FBXW8: variants seen among roughly 807,000 people sequenced by gnomAD.
The protein encoded by FBXW8 is F-box and WD repeat domain containing 8.
FBXW8 carries 57 observed loss-of-function variants against 65.3 expected under a neutral mutation model. The observed-to-expected ratio is 0.87, with a 90% CI of 0.71 to 1.09. FBXW8 has a LOEUF of 1.09. Ranked by LOEUF, FBXW8 falls within the 50% of genes least tolerant of loss-of-function variation. The probability of loss-of-function intolerance (pLI) is 0.00; values close to 1 mark genes in which losing one functional copy is unlikely to be tolerated. For missense variants in FBXW8, 777 were observed against 814.8 expected (o/e 0.95, Z 0.57); for synonymous variants, 308 against 330.2 (o/e 0.93, Z 0.73).
At chr12:116,922,560 A>C (rs1224251035) in intron 1 of FBXW8, among the ~76,000 whole-genome samples, 1 of 152,240 alleles carries the variant, frequency 6.6e-6, no homozygotes, top group Non-Finnish European at 1.5e-5. Flanking sequence ...TTTGGCTCTT[A>C]GTAATTATCT....
At chr12:117,021,595 C>G (rs1954099859) in intron 8 of FBXW8, among the ~76,000 whole-genome samples, 1 of 152,110 alleles carries the variant, frequency 6.6e-6, no homozygotes, top group Non-Finnish European at 1.5e-5. Flanking sequence ...AGTATTTTGC[C>G]TCTAACTGCT....
At chr12:116,955,036 T>G (rs1483485781) in intron 4 of FBXW8, among the ~76,000 whole-genome samples, 49 of 129,584 alleles carry the variant, frequency 3.8e-4, no homozygotes, top group Middle Eastern at 3.8e-3. Flanking sequence ...CCTCTTGAAA[T>G]GGGGGGGGGG....
intron 5 of FBXW8, among the ~76,000 whole-genome samples, chr12:116,968,319 TTACAAG>T (rs1430584348): frequency 3.3e-5 from 5 of 152,350 alleles, no homozygotes; most frequent in African/African-American, 1.2e-4. Flanking sequence ...TATTTTAGTA[TTACAAG>T]TACAAGAAAA....
intron 4 of FBXW8, among the ~76,000 whole-genome samples, chr12:116,952,869 C>A (rs1883378133): frequency 6.6e-6 from 1 of 152,144 alleles, no homozygotes; most frequent in Admixed American, 6.5e-5. Context: ...TCCCGAGTAG[C>A]TGGGACTACG....
intron 5 of FBXW8, chr12:116,978,544 T>C (rs140845850): frequency 1.2e-4 from 19 of 152,224 alleles, no homozygotes; most frequent in African/African-American, 4.6e-4. Context: ...ATAGTCAACT[T>C]CATTCAGTAT....
chr12:117,001,216 C>A (rs182634056), intron 7 of FBXW8, among the ~76,000 whole-genome samples: 12 of 152,132 alleles, frequency 7.9e-5, no homozygotes, highest in Non-Finnish European at 1.5e-4. Context: ...GAGTAGAGGC[C>A]GTTATGCCTT....
chr12:116,955,731 G>A (rs1883600428), intron 4 of FBXW8, among the ~76,000 whole-genome samples: 1 of 152,198 alleles, frequency 6.6e-6, no homozygotes, highest in Admixed American at 6.5e-5. Context: ...GTGATGCTTA[G>A]ACTGTTCTCG....
At chr12:116,945,213 AT>A (rs1008321905) in intron 2 of FBXW8, 150 bp from the exon 3 acceptor site, 320 of 606,850 alleles carry the variant, frequency 5.3e-4, no homozygotes, top group South Asian at 1.1e-3. Flanking sequence ...ATTTGCTTGT[AT>A]TTTTTTTTCC....
intron 2 of FBXW8, among the ~76,000 whole-genome samples, chr12:116,944,524 A>C (rs1882804497): frequency 6.6e-6 from 1 of 152,096 alleles, no homozygotes; most frequent in Admixed American, 6.6e-5. Context: ...CAACTTTTGG[A>C]TGGATGGCAA....
intron 2 of FBXW8, among the ~76,000 whole-genome samples, chr12:116,937,111 A>C (rs1882218122): frequency 6.6e-6 from 1 of 152,108 alleles, no homozygotes; most frequent in Admixed American, 6.6e-5. Flanking sequence ...GACAGAAGGA[A>C]GAGAGTCAAC....
At chr12:116,996,683 C>T (rs926115379) in intron 7 of FBXW8, among the ~76,000 whole-genome samples, 15 of 152,242 alleles carry the variant, frequency 9.9e-5, no homozygotes, top group Non-Finnish European at 2.2e-4. Flanking sequence ...TATTTATCTG[C>T]TTCCTGGAGA....
At chr12:116,972,353 A>G (rs1884689552) in intron 5 of FBXW8, among the ~76,000 whole-genome samples, 1 of 152,222 alleles carries the variant, frequency 6.6e-6, no homozygotes, top group Non-Finnish European at 1.5e-5. Context: ...TTTAAGTGAG[A>G]GAATTTAATT....
chr12:116,988,797 A>T lies in FBXW8; in HGVS notation c.1167A>T (p.Thr389=). ...TTTACGCCCACGGCCCGCCTGTCAC[A>T]TGTCTAGACGTCTCGGCCAACCAAG... ...TLLYAHGPPV[T]CLDVSANQVA... is the part of the protein sequence containing the mutation. Residue 389 remains threonine, a synonymous_variant, in exon 7 of 11, where the codon ACA becomes ACT. Coordinates refer to ENST00000652555, the MANE Select transcript of FBXW8 (RefSeq NM_153348.3). 6.2e-7 allele frequency: 1 copy of T among 1,614,168 alleles called. No individual in the cohort carries two copies. The highest frequency in any genetic ancestry group is 8.5e-7 in the Non-Finnish European group (1 of 1,180,040).
intron 4 of FBXW8, among the ~76,000 whole-genome samples, chr12:116,953,785 C>CA (rs367968918): frequency 7.0e-6 from 1 of 143,160 alleles, no homozygotes; most frequent in African/African-American, 2.6e-5. Flanking sequence ...AAAAAAAAGA[C>CA]AAAAAAACAA....
At chr12:116,912,171 GTTTT>G (rs57142470) in intron 1 of FBXW8, among the ~76,000 whole-genome samples, 7 of 131,022 alleles carry the variant, frequency 5.3e-5, no homozygotes, top group African/African-American at 1.6e-4. Context: ...TTTTTTTCCT[GTTTT>G]TTTTTTTTTT....
intron 7 of FBXW8, among the ~76,000 whole-genome samples, chr12:116,998,606 T>A (rs1355150847): frequency 6.6e-6 from 1 of 152,260 alleles, no homozygotes; most frequent in African/African-American, 2.4e-5. Context: ...TTGGTTTGTT[T>A]GTGCCAAATA....
intron 7 of FBXW8, among the ~76,000 whole-genome samples, chr12:116,998,362 T>C (rs1193685548): frequency 8.3e-6 from 1 of 120,534 alleles, no homozygotes; most frequent in Non-Finnish European, 1.9e-5. Context: ...AAAGGAATTA[T>C]TCAGTCTTCT....
intron 1 of FBXW8, among the ~76,000 whole-genome samples, chr12:116,921,471 G>T (rs1173284084): frequency 6.6e-6 from 1 of 152,110 alleles, no homozygotes; most frequent in African/African-American, 2.4e-5. Context: ...ATGAACTTTG[G>T]AGTACCTTAG....
At chr12:116,976,944 C>G (rs1884984488) in intron 5 of FBXW8, among the ~76,000 whole-genome samples, 1 of 152,150 alleles carries the variant, frequency 6.6e-6, no homozygotes, top group African/African-American at 2.4e-5. Context: ...AGGCAGGTGG[C>G]CATGTGAGTC....
Sources: allele counts gnomAD v4.1 joint callset (sites outside exome capture counted in the v4.1 genomes callset), GRCh38; gene constraint gnomAD v4.1.1; transcripts MANE v1.5; gene names NCBI Gene and HGNC (gene_info 2026-07-23, HGNC 2026-07-21).